The following NUDCD3 variants were observed in gnomAD, a reference collection of about 807,000 sequenced individuals.
NUDCD3 encodes nudC domain-containing protein 3.
Under a neutral mutation model 39.7 loss-of-function variants are expected in NUDCD3, and 13 were observed. The ratio of observed to expected loss-of-function variants is 0.33; its 90% CI spans 0.21 to 0.52. The LOEUF is 0.52. Among genes scored for constraint, NUDCD3 ranks in the 20% least tolerant of loss-of-function variants. The pLI is 0.96. For synonymous variants in NUDCD3, 175 were observed against 172.4 expected (o/e 1.02, Z -0.12); for missense variants, 453 against 458.1 (o/e 0.99, Z 0.10).
Position 44,441,359 on chromosome 7 carries a change from T to C in NUDCD3, c.510-13656A>G, listed in dbSNP as rs933503342. Among the ~76,000 whole-genome samples the C allele has an allele frequency of 3.3e-5, 5 of 152,324 alleles. No homozygotes were observed. In the East Asian group the frequency reaches 5.8e-4, roughly 18 times the overall value. ...TACTTTGATATGACTAGTGAGGTTATCTTTTGTTTTCTTGAAGATATTATA... is the reference window on the plus strand; with the variant it reads ...TACTTTGATATGACTAGTGAGGTTACCTTTTGTTTTCTTGAAGATATTATA... On this transcript the variant is annotated intron_variant, in intron 2 of 5. Coordinates refer to ENST00000355451, the MANE Select transcript of NUDCD3 (RefSeq NM_015332.4).
At chr7:44,487,906 T>C (rs553536529) in intron 1 of NUDCD3, among the ~76,000 whole-genome samples, 13 of 151,036 alleles carry the variant, frequency 8.6e-5, no homozygotes, top group South Asian at 6.3e-4. Context: ...TGAGCCAAGA[T>C]TGCGCCACTG....
At chr7:44,484,938 AGAAG>A in intron 2 of NUDCD3, 26 bp downstream of exon 2, 1 of 1,522,954 alleles carries the variant, frequency 6.6e-7, no homozygotes, top group Non-Finnish European at 8.9e-7. Context: ...TACGCAAGAA[AGAAG>A]GAAGCTGCAA....
At chr7:44,454,851 T>A (rs189733877) in intron 2 of NUDCD3, among the ~76,000 whole-genome samples, 2 of 151,986 alleles carry the variant, frequency 1.3e-5, no homozygotes, top group Non-Finnish European at 2.9e-5. Context: ...GGAGGATTGC[T>A]TAAGCCCAGG....
intron 3 of NUDCD3, 150 bp from the exon 4 acceptor site, chr7:44,404,733 A>G: frequency 1.4e-6 from 1 of 728,920 alleles, no homozygotes; most frequent in East Asian, 2.7e-5. Context: ...AGAAAACCAT[A>G]CCAGCCTAAT....
At chr7:44,391,182 C>T (rs1394860116) in intron 5 of NUDCD3, among the ~76,000 whole-genome samples, 1 of 152,180 alleles carries the variant, frequency 6.6e-6, no homozygotes, top group Non-Finnish European at 1.5e-5. Context: ...AACAAACAAA[C>T]TGTATTTTCA....
chr7:44,479,894 A>C (rs1800452542), intron 2 of NUDCD3, among the ~76,000 whole-genome samples: 1 of 152,236 alleles, frequency 6.6e-6, no homozygotes, highest in South Asian at 2.1e-4. Context: ...CTATTTTCAA[A>C]TCTGCTAAAA....
chr7:44,475,712 A>G (rs942709511), intron 2 of NUDCD3, among the ~76,000 whole-genome samples: 10 of 152,186 alleles, frequency 6.6e-5, no homozygotes, highest in South Asian at 2.1e-4. Context: ...CTGAGCTACA[A>G]TTGCACCGTG....
Position 44,411,547 on chromosome 7 carries a change from G to A in NUDCD3, c.643-6964C>T, listed in dbSNP as rs1798925115. ...AAAGATGCTCAATGTTATTAGTCAT[G>A]AGGGAAATGCAAATCAAAACAATGA... On this transcript the variant is annotated intron_variant, in intron 3 of 5. Transcript: ENST00000355451. Among the ~76,000 whole-genome samples, 4 of 152,332 alleles carry A rather than the reference G, an allele frequency of 2.6e-5. No individual in the cohort carries two copies. The South Asian group carries it at 8.3e-4, about 32-fold the overall frequency.
intron 2 of NUDCD3, among the ~76,000 whole-genome samples, chr7:44,436,830 C>A (rs1799475215): frequency 6.6e-6 from 1 of 152,100 alleles, no homozygotes; most frequent in African/African-American, 2.4e-5. Flanking sequence ...TTACAGTTTA[C>A]AAATTCTTTC....
intron 3 of NUDCD3, chr7:44,426,316 C>T (rs1799234023): frequency 5.0e-6 from 1 of 200,656 alleles, no homozygotes; most frequent in East Asian, 1.9e-4. Flanking sequence ...AGTGCACAAA[C>T]TACAGACCTA....
At chr7:44,428,123 TAAAAAAAAAAAAAAAA>T (rs55642004) in intron 2 of NUDCD3, among the ~76,000 whole-genome samples, 2 of 76,102 alleles carry the variant, frequency 2.6e-5, no homozygotes, top group African/African-American at 1.0e-4. Context: ...GGTCAATCTT[TAAAAAAAAAAAAAAAA>T]AAAAAAAAAA....
chr7:44,410,431 G>A (rs1446882372), intron 3 of NUDCD3, among the ~76,000 whole-genome samples: 4 of 152,122 alleles, frequency 2.6e-5, no homozygotes, highest in Non-Finnish European at 5.9e-5. Flanking sequence ...GGGAGGCCGA[G>A]GTGGGTGGAT....
At chr7:44,420,270 T>C (rs1799113028) in intron 3 of NUDCD3, among the ~76,000 whole-genome samples, 1 of 151,766 alleles carries the variant, frequency 6.6e-6, no homozygotes, top group Admixed American at 6.6e-5. Flanking sequence ...ATCAACTTAC[T>C]GAAATAAGGT....
chr7:44,410,872 C>T (rs908353331), intron 3 of NUDCD3, among the ~76,000 whole-genome samples: 1 of 151,752 alleles, frequency 6.6e-6, no homozygotes, highest in Non-Finnish European at 1.5e-5. Context: ...GAGGCTGAGG[C>T]AGGAAATCGC....
At chr7:44,477,538 G>C (rs1232938060) in intron 2 of NUDCD3, among the ~76,000 whole-genome samples, 1 of 152,142 alleles carries the variant, frequency 6.6e-6, no homozygotes, top group African/African-American at 2.4e-5. Flanking sequence ...TGCAGGTCAA[G>C]AGCCTGAACT....
chr7:44,488,555 A>G (rs955631048), intron 1 of NUDCD3, among the ~76,000 whole-genome samples: 3 of 151,924 alleles, frequency 2.0e-5, no homozygotes, highest in Non-Finnish European at 4.4e-5. Context: ...CAGTTGCTCT[A>G]GCTCCCAAAA....
chr7:44,431,590 C>T (rs1799364721), intron 2 of NUDCD3, among the ~76,000 whole-genome samples: 1 of 151,680 alleles, frequency 6.6e-6, no homozygotes, highest in African/African-American at 2.4e-5. Flanking sequence ...GTTCCTGAGA[C>T]TCATGGTCAG....
chr7:44,476,129 C>T (rs993063278), intron 2 of NUDCD3, among the ~76,000 whole-genome samples: 1 of 152,066 alleles, frequency 6.6e-6, no homozygotes, highest in Admixed American at 6.5e-5. Flanking sequence ...GAAAAAGCCT[C>T]GACTAGTAAA....
intron 3 of NUDCD3, among the ~76,000 whole-genome samples, chr7:44,414,180 G>A (rs949642518): frequency 3.3e-5 from 5 of 152,122 alleles, no homozygotes; most frequent in African/African-American, 4.8e-5. Context: ...TTTACAACAG[G>A]AAAGATTGGA....
Sources: gnomAD v4.1 joint callset for allele counts (sites outside exome capture counted in the v4.1 genomes callset) on GRCh38, gnomAD v4.1.1 for gene constraint, MANE v1.5 for transcripts, NCBI Gene and HGNC (gene_info 2026-07-23, HGNC 2026-07-21) for gene names.